The following KCNQ1 variants were observed in gnomAD, a reference collection of about 807,000 sequenced individuals.
KCNQ1 encodes the protein potassium voltage-gated channel subfamily Q member 1.
A neutral mutation model predicts 72.4 loss-of-function variants in KCNQ1; 49 were observed. That is an observed-to-expected ratio of 0.68 (90% CI 0.54 to 0.86). The LOEUF (loss-of-function observed/expected upper bound fraction) is 0.86. Among genes scored for constraint, KCNQ1 ranks in the 40% least tolerant of loss-of-function variants. The pLI, the probability that KCNQ1 is intolerant of heterozygous loss-of-function variation, is 0.00. For synonymous variants in KCNQ1, 450 were observed against 412.6 expected (o/e 1.09, Z -1.10); for missense variants, 790 against 945.1 (o/e 0.84, Z 2.15).
Position 2,669,927 on chromosome 11 carries a change from C to T in KCNQ1, c.1514+7846C>T, listed in dbSNP as rs2133866968. The stretch of plus-strand genomic sequence containing the variant: ...GGCCTGAGAGTCCCAAGCTCCAGGA[C>T]AGTCTGGAGTCAGGTGGAGGGAAGG... On this transcript the variant is annotated intron_variant, in intron 11 of 15. Transcript: ENST00000155840. The surrounding 1 kb of genome is among the most constrained non-coding windows in gnomAD (Gnocchi z 5.6). 1 of 398,604 alleles carries T rather than the reference C, an allele frequency of 2.5e-6. No homozygotes were observed. The highest frequency in any genetic ancestry group is 4.4e-6 in the Non-Finnish European group (1 of 226,110). 24.7% of individuals were successfully genotyped at this position (398,604 alleles called of 1,614,324 possible). A position where few individuals can be genotyped will look rare whatever the true frequency, so the allele number is the denominator to read the frequency against.
chr11:2,803,162 C>CCG lies in KCNQ1; in HGVS notation c.1794+25126_1794+25127insGC, dbSNP rs57549579. Among the ~76,000 whole-genome samples the CCG allele has an allele frequency of 1.8e-4, 18 of 102,342 alleles. No homozygotes were observed. The East Asian group carries it at 3.8e-3, about 22-fold the overall frequency. The allele number at this position is 102,342 out of a possible 152,430, so 67.1% of individuals were successfully genotyped here. On this transcript the variant is annotated intron_variant, in intron 15 of 15. Coordinates refer to ENST00000155840, the MANE Select transcript of KCNQ1 (RefSeq NM_000218.3). This position sits in a 1 kb window ranked among gnomAD's most constrained non-coding sequence, Gnocchi z 6.4. ...CCAGAAAACCCAGCCGGGCCCCCCCCCCCACGGGCACCCAGGAACCGCCCT... is the reference window on the plus strand; with the variant it reads ...CCAGAAAACCCAGCCGGGCCCCCCCCCGCCCACGGGCACCCAGGAACCGCCCT...
rs185999690 is a variant in KCNQ1 at position 2,668,379 on chromosome 11, C to G, written c.1514+6298C>G. ...TATGTTTACTCTTAGTGAATACTACCCAGCAGTCTACCAAAGGAGTCATTC... is the reference window on the plus strand; with the variant it reads ...TATGTTTACTCTTAGTGAATACTACGCAGCAGTCTACCAAAGGAGTCATTC... On this transcript the variant is annotated intron_variant, in intron 11 of 15. Coordinates refer to ENST00000155840, the MANE Select transcript of KCNQ1 (RefSeq NM_000218.3). The surrounding 1 kb of genome is among the most constrained non-coding windows in gnomAD (Gnocchi z 4.3). 7.8e-5 allele frequency: 31 copies of G among 398,578 alleles called. No homozygotes were observed. Among genetic ancestry groups the G allele is most frequent in the African/African-American group, 6.2e-4 (30 of 48,736 alleles). 24.7% of individuals were successfully genotyped at this position (398,578 alleles called of 1,614,324 possible). A position where few individuals can be genotyped will look rare whatever the true frequency, so the allele number is the denominator to read the frequency against.
chr11:2,847,163 C>A (rs1848347845), intron 15 of KCNQ1, among the ~76,000 whole-genome samples: 1 of 152,048 alleles, frequency 6.6e-6, no homozygotes. Flanking sequence ...GCAAGCCCCT[C>A]CTGGAAGTGG....
intron 1 of KCNQ1, among the ~76,000 whole-genome samples, chr11:2,502,878 C>A (rs1209632771): frequency 6.6e-6 from 1 of 152,152 alleles, no homozygotes; most frequent in East Asian, 1.9e-4. Flanking sequence ...GCAAACAAAT[C>A]CATATGTCTA....
At chr11:2,591,737 G>A (rs1258949599) in intron 10 of KCNQ1, among the ~76,000 whole-genome samples, 1 of 152,226 alleles carries the variant, frequency 6.6e-6, no homozygotes, top group Non-Finnish European at 1.5e-5. Context: ...AAAGTCAGGC[G>A]CCTTTTGTGG....
chr11:2,656,955 G>A (rs1165205063), intron 10 of KCNQ1: 2 of 398,476 alleles, frequency 5.0e-6, no homozygotes, highest in East Asian at 3.6e-5. Flanking sequence ...GTATCCAACT[G>A]CTCCTGAACA....
At chr11:2,540,106 A>T (rs1479774230) in intron 2 of KCNQ1, among the ~76,000 whole-genome samples, 1 of 152,098 alleles carries the variant, frequency 6.6e-6, no homozygotes, top group Non-Finnish European at 1.5e-5. Context: ...TGTGGGGCCC[A>T]CTGGCCATGG....
At chr11:2,802,481 T>C (rs1203824839) in intron 15 of KCNQ1, among the ~76,000 whole-genome samples, 1 of 152,190 alleles carries the variant, frequency 6.6e-6, no homozygotes, top group African/African-American at 2.4e-5. Flanking sequence ...TTAAGCCCCC[T>C]GGAGACTCCA....
chr11:2,455,703 G>GA (rs1467485008), intron 1 of KCNQ1, among the ~76,000 whole-genome samples: 3 of 152,096 alleles, frequency 2.0e-5, no homozygotes, highest in South Asian at 4.1e-4. Flanking sequence ...CATAGAATTA[G>GA]AAAAAACTAT....
At chr11:2,535,947 C>T (rs1015500115) in intron 2 of KCNQ1, among the ~76,000 whole-genome samples, 4 of 152,200 alleles carry the variant, frequency 2.6e-5, no homozygotes, top group East Asian at 3.9e-4. Context: ...GGGGCAGGGG[C>T]GCTGCTGAAG....
chr11:2,837,230 A>G (rs763957199), intron 15 of KCNQ1, among the ~76,000 whole-genome samples: 2 of 152,016 alleles, frequency 1.3e-5, no homozygotes, highest in Non-Finnish European at 2.9e-5. Context: ...CTGGGTGGAG[A>G]CAGAACACAG....
At chr11:2,523,274 A>C (rs1430673544) in intron 1 of KCNQ1, among the ~76,000 whole-genome samples, 7 of 150,632 alleles carry the variant, frequency 4.6e-5, no homozygotes, top group South Asian at 2.1e-4. Context: ...GCTCACTGCA[A>C]CCTCCACCTC....
intron 2 of KCNQ1, among the ~76,000 whole-genome samples, chr11:2,556,413 C>T (rs1363774446): frequency 2.0e-5 from 3 of 152,206 alleles, no homozygotes; most frequent in South Asian, 2.1e-4. Flanking sequence ...TCCAAGGGTC[C>T]GTAAACCATA....
intron 1 of KCNQ1, among the ~76,000 whole-genome samples, chr11:2,510,279 T>TA (rs879640895): frequency 1.9e-4 from 27 of 144,840 alleles, no homozygotes; most frequent in Admixed American, 3.4e-4. Context: ...ACCCTGTGTC[T>TA]AAAAAAAAAA....
Position 2,478,999 on chromosome 11 carries a change from G to A in KCNQ1, c.386+33515G>A, listed in dbSNP as rs1220373131. Among the ~76,000 whole-genome samples, 6 of 152,236 alleles carry A rather than the reference G, an allele frequency of 3.9e-5. No homozygotes were observed. The highest frequency in any genetic ancestry group is 7.3e-5 in the Non-Finnish European group (5 of 68,044). ...TGCAAGTTCGAAATCCAGTGGGGCA[G>A]TTAAATCTTAATGCTCCAAAATGAT... On this transcript the variant is annotated intron_variant, in intron 1 of 15. Coordinates refer to ENST00000155840, the MANE Select transcript of KCNQ1 (RefSeq NM_000218.3). The surrounding 1 kb of genome is among the most constrained non-coding windows in gnomAD (Gnocchi z 4.0).
chr11:2,614,212 C>A, intron 10 of KCNQ1: 2 of 398,550 alleles, frequency 5.0e-6, no homozygotes, highest in South Asian at 2.6e-4. Context: ...AAATCTTAGT[C>A]ATTTGCAAGA....
chr11:2,823,460 C>T (rs371100987), intron 15 of KCNQ1, among the ~76,000 whole-genome samples: 2 of 152,226 alleles, frequency 1.3e-5, no homozygotes, highest in East Asian at 1.9e-4. Context: ...GAATGCACTC[C>T]AGCAAAACGT....
Position 2,457,269 on chromosome 11 carries a change from C to T in KCNQ1, c.386+11785C>T, listed in dbSNP as rs1004043626. 3.3e-5 allele frequency among the ~76,000 whole-genome samples: 5 copies of T among 152,156 alleles called. No homozygotes were observed. Among genetic ancestry groups the T allele is most frequent in the African/African-American group, 1.2e-4 (5 of 41,430 alleles). On this transcript the variant is annotated intron_variant, in intron 1 of 15. Transcript: ENST00000155840. This position sits in a 1 kb window ranked among gnomAD's most constrained non-coding sequence, Gnocchi z 5.0. ...TCCCAAAGAACCAAGAGTTGAACTA[C>T]CATTCGATCCAGCAGTCCCGTGTGC... is the stretch of plus-strand genomic sequence containing the variant.
intron 11 of KCNQ1, among the ~76,000 whole-genome samples, chr11:2,736,028 C>T (rs1845950153): frequency 1.3e-5 from 2 of 152,194 alleles, no homozygotes; most frequent in African/African-American, 2.4e-5. Context: ...AGCGAGGGGG[C>T]TCCTTGGCCC....
Sources: allele counts gnomAD v4.1 joint callset (sites outside exome capture counted in the v4.1 genomes callset), GRCh38; gene constraint gnomAD v4.1.1; non-coding constraint Gnocchi (gnomAD v3.1); transcripts MANE v1.5; gene names NCBI Gene and HGNC (gene_info 2026-07-23, HGNC 2026-07-21).